PPFIA1: variants seen among roughly 807,000 people sequenced by gnomAD.
PPFIA1 encodes the protein PPFI scaffold protein A1, also known as liprin-alpha-1.
A neutral mutation model predicts 149.9 loss-of-function variants in PPFIA1; 25 were observed. The ratio of observed to expected loss-of-function variants is 0.17; its 90% CI spans 0.12 to 0.23. PPFIA1 has a LOEUF of 0.23. Among genes scored for constraint, PPFIA1 ranks in the 10% least tolerant of loss-of-function variants. The probability of loss-of-function intolerance (pLI) is 1.00; values close to 1 mark genes in which losing one functional copy is unlikely to be tolerated. For synonymous variants in PPFIA1, 549 were observed against 552.8 expected (o/e 0.99, Z 0.10); for missense variants, 1,362 against 1,506.5 (o/e 0.90, Z 1.59).
chr11:70,284,601 T>C (rs1040732596), intron 2 of PPFIA1, among the ~76,000 whole-genome samples: 2 of 152,162 alleles, frequency 1.3e-5, no homozygotes, highest in Non-Finnish European at 2.9e-5. Context: ...TCAGAAGAAA[T>C]CCATGATCTC....
At chr11:70,346,626 G>A (rs150282898) in intron 15 of PPFIA1, among the ~76,000 whole-genome samples, 5 of 152,228 alleles carry the variant, frequency 3.3e-5, no homozygotes, top group Admixed American at 2.6e-4. Flanking sequence ...GTGATGAAGC[G>A]TTCAGAAAGA....
rs2054796783 is a variant in PPFIA1, at chr11:70,333,564, A to G, written c.1296+11A>G. On this transcript the variant is annotated intron_variant, in intron 10 of 27. Transcript: ENST00000253925. The stretch of plus-strand genomic sequence containing the variant: ...CAAGAACTGCAGCGGGTGAGCATGC[A>G]GCCCTGAGGGTGGGGGCGCTGAGTG... 3 of 1,607,684 alleles carry G rather than the reference A, an allele frequency of 1.9e-6. No homozygotes were observed. The highest frequency in any genetic ancestry group is 2.2e-5 in the East Asian group (1 of 44,774).
chr11:70,344,944 C>T (rs1459336658), intron 15 of PPFIA1, among the ~76,000 whole-genome samples: 1 of 152,188 alleles, frequency 6.6e-6, no homozygotes, highest in Admixed American at 6.5e-5. Flanking sequence ...CTCAATCTGG[C>T]AAGGCTGGAG....
chr11:70,282,985 G>A (rs544666550), intron 2 of PPFIA1, among the ~76,000 whole-genome samples: 93 of 151,702 alleles, frequency 6.1e-4, no homozygotes, highest in African/African-American at 2.1e-3. Context: ...GACCATAGGC[G>A]TGCATCACCA....
At chr11:70,308,179 G>A (rs2052997688) in intron 2 of PPFIA1, among the ~76,000 whole-genome samples, 1 of 152,222 alleles carries the variant, frequency 6.6e-6, no homozygotes, top group Non-Finnish European at 1.5e-5. Flanking sequence ...CTCCTGAGTA[G>A]CTGGGATTAC....
At chr11:70,289,947 C>A (rs2051413463) in intron 2 of PPFIA1, among the ~76,000 whole-genome samples, 2 of 152,142 alleles carry the variant, frequency 1.3e-5, no homozygotes, top group South Asian at 4.1e-4. Context: ...TATTATTTTT[C>A]AGCCAGGTGC....
Position 70,372,192 on chromosome 11 carries a change from CCTT to C in PPFIA1, c.2866-22_2866-20del. The C allele has an allele frequency of 6.3e-7, 1 of 1,584,714 alleles. No homozygotes were observed. The highest frequency in any genetic ancestry group is 8.6e-7 in the Non-Finnish European group (1 of 1,166,516). On this transcript the variant is annotated intron_variant, in intron 21 of 27. Coordinates refer to ENST00000253925, the MANE Select transcript of PPFIA1 (RefSeq NM_003626.5). Reference sequence around the variant, plus strand: ...CTTTTGAGACTTCCTCTGTAACTGACCTTTTCCATTTATGAAAAGCAGACACTC... The same window carrying C: ...CTTTTGAGACTTCCTCTGTAACTGACTTCCATTTATGAAAAGCAGACACTC...
chr11:70,360,668 C>T (rs549247311), intron 19 of PPFIA1, among the ~76,000 whole-genome samples: 7 of 152,380 alleles, frequency 4.6e-5, no homozygotes, highest in Non-Finnish European at 7.3e-5. Flanking sequence ...CGCCATGCAG[C>T]GCGCCCTTCC....
intron 23 of PPFIA1, chr11:70,374,389 A>G (rs1377575748): frequency 6.6e-6 from 1 of 152,344 alleles, no homozygotes. Context: ...GGAAAAAAAA[A>G]GATTTTCTGC....
intron 7 of PPFIA1, among the ~76,000 whole-genome samples, chr11:70,329,029 A>C (rs1288061072): frequency 6.6e-6 from 1 of 152,216 alleles, no homozygotes; most frequent in East Asian, 1.9e-4. Context: ...CATCCAATTA[A>C]ATTAAACTGG....
At chr11:70,272,065 C>G (rs2050127426) in intron 1 of PPFIA1, 108 bp from the exon 2 acceptor site, 1 of 1,211,760 alleles carries the variant, frequency 8.3e-7, no homozygotes, top group African/African-American at 1.5e-5. Context: ...CAGATCTGAG[C>G]ATAATGAGAC....
intron 21 of PPFIA1, chr11:70,365,202 G>A: frequency 3.7e-6 from 1 of 273,524 alleles, no homozygotes; most frequent in Non-Finnish European, 7.5e-6. Context: ...TGACGACCCA[G>A]TGTTAACAGG....
chr11:70,372,218 C>G lies in PPFIA1; in HGVS notation c.2869C>G (p.Leu957Val), dbSNP rs1215343566. ...CTTTTCCATTTATGAAAAGCAGACA[C>G]TCGCCTATGGGGACATGAACCACGA... ...PSAPPTSRTT[L>V]AYGDMNHEWI... Residue 957 changes from leucine (L) to valine (V), a missense_variant, in exon 22 of 28, where the codon CTC becomes GTC. This residue lies in a region of PPFIA1 where 349 missense variants were observed against 373.3 expected (regional missense o/e 0.93). Transcript: ENST00000253925. 6.2e-7 allele frequency: 1 copy of G among 1,603,046 alleles called. No homozygotes were observed. Among genetic ancestry groups the G allele is most frequent in the Non-Finnish European group, 8.5e-7 (1 of 1,175,868 alleles).
At chr11:70,356,762 T>A (rs2056381698) in intron 19 of PPFIA1, among the ~76,000 whole-genome samples, 1 of 152,270 alleles carries the variant, frequency 6.6e-6, no homozygotes, top group Non-Finnish European at 1.5e-5. Flanking sequence ...ATTCAGGATT[T>A]GCTCTTCATA....
intron 21 of PPFIA1, chr11:70,365,923 C>T (rs571447996): frequency 8.8e-6 from 4 of 456,586 alleles, no homozygotes; most frequent in South Asian, 4.6e-5. Flanking sequence ...TTTTGCATTC[C>T]TAACCACGTA....
intron 2 of PPFIA1, among the ~76,000 whole-genome samples, chr11:70,310,320 C>G (rs2053171271): frequency 6.6e-6 from 1 of 152,058 alleles, no homozygotes; most frequent in African/African-American, 2.4e-5. Context: ...CACAAATGCA[C>G]CCTCCTTAGT....
At chr11:70,319,265 C>T (rs951828566) in intron 2 of PPFIA1, among the ~76,000 whole-genome samples, 3 of 152,204 alleles carry the variant, frequency 2.0e-5, no homozygotes, top group African/African-American at 7.2e-5. Flanking sequence ...AGAGTCCCTG[C>T]TTCTCACCAC....
intron 2 of PPFIA1, among the ~76,000 whole-genome samples, chr11:70,299,565 G>C (rs540526352): frequency 2.0e-5 from 3 of 152,270 alleles, no homozygotes; most frequent in African/African-American, 7.2e-5. Flanking sequence ...CTTCCCTTCT[G>C]GATGCTCCGG....
intron 27 of PPFIA1, 86 bp downstream of exon 27, chr11:70,382,244 G>T: frequency 2.0e-6 from 2 of 984,272 alleles, no homozygotes; most frequent in Non-Finnish European, 3.1e-6. Context: ...TAGGGGTGTG[G>T]ACCATGAAAG....
Sources: gnomAD v4.1 joint callset for allele counts (sites outside exome capture counted in the v4.1 genomes callset) on GRCh38, gnomAD v4.1.1 for gene constraint, gnomAD v4.1.1 regional missense constraint, MANE v1.5 for transcripts, NCBI Gene and HGNC (gene_info 2026-07-23, HGNC 2026-07-21) for gene names.